The following ASB15 variants were observed in gnomAD, a reference collection of about 807,000 sequenced individuals.
ASB15 encodes the protein ankyrin repeat and SOCS box containing 15.
A neutral mutation model predicts 58.0 loss-of-function variants in ASB15; 54 were observed. That is an observed-to-expected ratio of 0.93 (90% CI 0.75 to 1.17). The LOEUF (loss-of-function observed/expected upper bound fraction) is 1.17. ASB15 is among the 50% of genes most tolerant of loss of function. The pLI is 0.00. For synonymous variants in ASB15, 249 were observed against 262.4 expected (o/e 0.95, Z 0.50); for missense variants, 680 against 707.4 (o/e 0.96, Z 0.44).
Position 123,636,871 on chromosome 7 carries a change from A to G in ASB15, c.1657A>G (p.Lys553Glu). The G allele has an allele frequency of 6.2e-7, 1 of 1,608,862 alleles. No individual in the cohort carries two copies. The highest frequency in any genetic ancestry group is 8.5e-7 in the Non-Finnish European group (1 of 1,175,996). ...AATTCGAAGGCTTATGGGTCTCCAG[A>G]AACTCTGCCAGCCAGCCTCAGTGGA... ...LKIRRLMGLQ[K>E]LCQPASVEKL... The change falls in exon 12 of 12, where the codon AAA becomes GAA. Residue 553 changes from lysine to glutamate, a missense_variant. Lys to Glu is a moderately conservative substitution (Grantham distance 56). Transcript: ENST00000451215.
intron 1 of ASB15, among the ~76,000 whole-genome samples, chr7:123,585,993 G>T (rs1799366084): frequency 6.6e-6 from 1 of 151,576 alleles, no homozygotes; most frequent in East Asian, 1.9e-4. Flanking sequence ...GGACACTTAG[G>T]TTAATTCCAC....
intron 7 of ASB15, among the ~76,000 whole-genome samples, chr7:123,621,118 T>C (rs1284449284): frequency 3.3e-5 from 5 of 152,176 alleles, no homozygotes; most frequent in Non-Finnish European, 5.9e-5. Flanking sequence ...CTTTAATGCT[T>C]AAGGCCTACA....
intron 11 of ASB15, 65 bp from the exon 12 acceptor site, chr7:123,636,744 T>C: frequency 7.5e-7 from 1 of 1,340,530 alleles, no homozygotes; most frequent in African/African-American, 1.5e-5. Context: ...TCTGAAACAG[T>C]CATATCTTAG....
chr7:123,630,684 A>G (rs560024989), intron 11 of ASB15, among the ~76,000 whole-genome samples: 5 of 152,332 alleles, frequency 3.3e-5, no homozygotes, highest in African/African-American at 9.6e-5. Context: ...ACATTTTTAA[A>G]TAATGCAAAT....
intron 1 of ASB15, among the ~76,000 whole-genome samples, chr7:123,585,473 C>T (rs75371574): frequency 0.017 from 2,635 of 151,784 alleles, 78 homozygotes; most frequent in African/African-American, 0.06. Flanking sequence ...TTCTTACTTA[C>T]GTTTATGCTT....
chr7:123,629,018 A>T lies in ASB15; in HGVS notation c.1024A>T (p.Ile342Phe). 6.2e-7 allele frequency: 1 copy of T among 1,613,904 alleles called. No homozygotes were observed. Residue 342 changes from isoleucine (I) to phenylalanine (F), a missense_variant, in exon 10 of 12, where the codon ATT becomes TTT. Physicochemically the swap from Ile to Phe is conservative, Grantham distance 21. Transcript: ENST00000451215. ...TGTCAACACTCTACTTGCTGACCAC[A>T]TTTCCCAGAGCTATGACGATGAGAG... The part of the protein sequence containing the change: ...FDVNTLLADH[I>F]SQSYDDERKT...
chr7:123,592,562 C>G (rs1016902335), intron 1 of ASB15, among the ~76,000 whole-genome samples: 3 of 152,162 alleles, frequency 2.0e-5, no homozygotes, highest in Admixed American at 6.5e-5. Context: ...CACTCAGGAG[C>G]AGGTTGTTCA....
At chr7:123,599,556 G>GACAAGAAAATCTTATCAC (rs1562918603), upstream of ASB15, among the ~76,000 whole-genome samples, 1 of 152,194 alleles carries the variant, frequency 6.6e-6, no homozygotes, top group African/African-American at 2.4e-5. Flanking sequence ...GCAGTGGCAG[G>GACAAGAAAATCTTATCAC]TGCCTAAAAT....
At chr7:123,587,641 T>C (rs1464242026) in intron 1 of ASB15, among the ~76,000 whole-genome samples, 3 of 151,768 alleles carry the variant, frequency 2.0e-5, no homozygotes, top group African/African-American at 7.2e-5. Context: ...AGAAAAGCTT[T>C]CAGCTTTTCA....
chr7:123,616,644 A>G, intron 6 of ASB15, 149 bp downstream of exon 6: 1 of 1,033,290 alleles, frequency 9.7e-7, no homozygotes, highest in Non-Finnish European at 1.4e-6. Flanking sequence ...CCCATGTTTT[A>G]AACTCAGAGT....
chr7:123,606,866 GT>G (rs1482038772), intron 2 of ASB15, among the ~76,000 whole-genome samples: 3 of 152,086 alleles, frequency 2.0e-5, no homozygotes, highest in African/African-American at 2.4e-5. Flanking sequence ...GGACATTTAG[GT>G]TGTTTCTATA....
chr7:123,584,160 C>A (rs1799311686), intron 1 of ASB15, among the ~76,000 whole-genome samples: 1 of 151,772 alleles, frequency 6.6e-6, no homozygotes, highest in Non-Finnish European at 1.5e-5. Context: ...GCCTACTTAA[C>A]CTTTCTTGTT....
intron 7 of ASB15, chr7:123,620,019 A>G (rs1298052716): frequency 6.6e-6 from 1 of 152,248 alleles, no homozygotes; most frequent in Non-Finnish European, 1.5e-5. Flanking sequence ...CACACATTGC[A>G]GAATGGCCCA....
At chr7:123,630,596 T>C (rs574739751) in intron 11 of ASB15, among the ~76,000 whole-genome samples, 1 of 152,290 alleles carries the variant, frequency 6.6e-6, no homozygotes, top group Non-Finnish European at 1.5e-5. Flanking sequence ...CAAAGGTTAG[T>C]ATTTGTAGAC....
At chr7:123,580,167 A>G (rs748622461) in intron 1 of ASB15, among the ~76,000 whole-genome samples, 1 of 152,008 alleles carries the variant, frequency 6.6e-6, no homozygotes, top group Admixed American at 6.6e-5. Context: ...GAGTGGCAAG[A>G]AAGGGCATTT....
intron 11 of ASB15, among the ~76,000 whole-genome samples, chr7:123,634,498 G>C (rs1449785530): frequency 6.6e-6 from 1 of 152,054 alleles, no homozygotes; most frequent in East Asian, 1.9e-4. Context: ...TGCAAATAGG[G>C]CTGCAATGAA....
chr7:123,638,691 T>C lies in ASB15; in HGVS notation c.*1710T>C, dbSNP rs1482902358. On this transcript the variant is annotated 3_prime_UTR_variant, in exon 12 of 12. Coordinates refer to ENST00000451215, the MANE Select transcript of ASB15 (RefSeq NM_001290258.2). ...ATGCTCTCTTTTAACCTCAGGGTCT[T>C]CGCATTTCCTTCTCTCATCTGGAAC... The C allele has an allele frequency of 4.6e-5, 7 of 152,344 alleles. No homozygotes were observed. The East Asian group carries it at 1.2e-3, about 25-fold the overall frequency. 9.4% of individuals were successfully genotyped at this position (152,344 alleles called of 1,614,324 possible).
chr7:123,588,359 T>A (rs1799433277), intron 1 of ASB15, among the ~76,000 whole-genome samples: 1 of 151,672 alleles, frequency 6.6e-6, no homozygotes, highest in South Asian at 2.1e-4. Context: ...TATTTCTGTA[T>A]TTTTATATAT....
intron 7 of ASB15, 51 bp from the exon 8 acceptor site, chr7:123,624,518 A>G (rs1455697778): frequency 6.6e-7 from 1 of 1,520,726 alleles, no homozygotes; most frequent in Non-Finnish European, 9.1e-7. Flanking sequence ...AATACCACCT[A>G]AGGTATTTGT....
Sources: gnomAD v4.1 joint callset for allele counts (sites outside exome capture counted in the v4.1 genomes callset) on GRCh38, gnomAD v4.1.1 for gene constraint, MANE v1.5 for transcripts, NCBI Gene and HGNC (gene_info 2026-07-23, HGNC 2026-07-21) for gene names.